The following FRMD4A variants were observed in gnomAD, a reference collection of about 807,000 sequenced individuals.
FRMD4A encodes FERM domain-containing protein 4A.
Under a neutral mutation model 129.1 loss-of-function variants are expected in FRMD4A, and 29 were observed. That is an observed-to-expected ratio of 0.22 (90% CI 0.17 to 0.31). The LOEUF is 0.31. Ranked by LOEUF, FRMD4A falls within the 10% of genes least tolerant of loss-of-function variation. The probability of loss-of-function intolerance (pLI) is 1.00; values close to 1 mark genes in which losing one functional copy is unlikely to be tolerated. For missense variants in FRMD4A, 1,272 were observed against 1,375.8 expected, an observed-to-expected ratio of 0.92 and a Z score of 1.19; for synonymous variants, 634 against 571.6, an observed-to-expected ratio of 1.11 and a Z score of -1.56.
chr10:14,248,827 A>C (rs1844335852), intron 2 of FRMD4A, among the ~76,000 whole-genome samples: 3 of 152,220 alleles, frequency 2.0e-5, no homozygotes, highest in Admixed American at 2.0e-4. Flanking sequence ...CCAAACAAGC[A>C]CTGATGGAAG....
intron 2 of FRMD4A, among the ~76,000 whole-genome samples, chr10:14,215,739 T>C (rs989829757): frequency 1.3e-5 from 2 of 152,140 alleles, no homozygotes; most frequent in Non-Finnish European, 2.9e-5. Context: ...TGCCGGCATA[T>C]GAGCGAAGGT....
intron 5 of FRMD4A, among the ~76,000 whole-genome samples, chr10:13,794,391 CAAAAAAA>C (rs5783349): frequency 9.7e-6 from 1 of 102,964 alleles, no homozygotes; most frequent in Non-Finnish European, 1.9e-5. Flanking sequence ...GAATCCGTCT[CAAAAAAA>C]AAAAAAAAAA....
Position 13,659,390 on chromosome 10 carries a change from A to T in FRMD4A, c.1999T>A (p.Ser667Thr). The T allele has an allele frequency of 6.2e-7, 1 of 1,614,026 alleles. No homozygotes were observed. Among genetic ancestry groups the T allele is most frequent in the African/African-American group, 1.3e-5 (1 of 75,030 alleles). Reference protein sequence around the residue: ...SPIRGLPHWNSQSSMPSTPDL... With the variant: ...SPIRGLPHWNTQSSMPSTPDL... ...GGCGTGGACGGCATGCTGGACTGGGAGTTCCAGTGCGGGAGGCCGCGGATG... is the reference window on the plus strand; with the variant it reads ...GGCGTGGACGGCATGCTGGACTGGGTGTTCCAGTGCGGGAGGCCGCGGATG... Residue 667 changes from serine to threonine, a missense_variant, in exon 21 of 25, where the codon TCC becomes ACC. This residue lies in a region of FRMD4A where 972 missense variants were observed against 892.3 expected (regional missense o/e 1.09). Transcript: ENST00000357447.
chr10:13,971,777 GAGCCAAGCAGCCCAGC>G, intron 2 of FRMD4A: 1 of 1,304,322 alleles, frequency 7.7e-7, no homozygotes, highest in Non-Finnish European at 1.0e-6. Flanking sequence ...TGGGTCCTCA[GAGCCAAGCAGCCCAGC>G]AGCCATGCCA....
intron 19 of FRMD4A, among the ~76,000 whole-genome samples, chr10:13,661,334 G>C (rs2082626021): frequency 6.6e-6 from 1 of 152,172 alleles, no homozygotes; most frequent in Admixed American, 6.5e-5. Context: ...TCTTGAAGGG[G>C]CTTGAGCAGT....
chr10:14,220,479 G>A (rs1361168161), intron 2 of FRMD4A, among the ~76,000 whole-genome samples: 4 of 152,200 alleles, frequency 2.6e-5, no homozygotes, highest in Non-Finnish European at 4.4e-5. Flanking sequence ...GGGGGTGCCA[G>A]GATGACCCCA....
At chr10:13,783,267 T>C (rs2092779279) in intron 5 of FRMD4A, among the ~76,000 whole-genome samples, 1 of 152,254 alleles carries the variant, frequency 6.6e-6, no homozygotes. Flanking sequence ...TAAGAACAAA[T>C]TCTAAAACTA....
chr10:14,326,286 G>A (rs1843272006), intron 2 of FRMD4A: 1 of 152,204 alleles, frequency 6.6e-6, no homozygotes, highest in Admixed American at 6.5e-5. Flanking sequence ...GTTCAGAGGG[G>A]AGCTAACTTC....
chr10:13,762,952 G>A (rs1040583286), intron 6 of FRMD4A, among the ~76,000 whole-genome samples: 1 of 152,128 alleles, frequency 6.6e-6, no homozygotes, highest in Admixed American at 6.6e-5. Context: ...TCCAGCCTGG[G>A]TAATGGGGTG....
At chr10:14,045,801 TA>T (rs1427943841) in intron 2 of FRMD4A, among the ~76,000 whole-genome samples, 1 of 145,780 alleles carries the variant, frequency 6.9e-6, no homozygotes, top group Admixed American at 6.9e-5. Context: ...ATGATATAAT[TA>T]TATAGAATAG....
chr10:14,158,576 C>A (rs1158806726), intron 2 of FRMD4A, among the ~76,000 whole-genome samples: 2 of 151,640 alleles, frequency 1.3e-5, no homozygotes, highest in African/African-American at 4.9e-5. Context: ...CATGCCACAG[C>A]TTTCTGGTCT....
chr10:13,764,547 A>C (rs1352528095), intron 6 of FRMD4A, among the ~76,000 whole-genome samples: 1 of 151,858 alleles, frequency 6.6e-6, no homozygotes, highest in Non-Finnish European at 1.5e-5. Context: ...TAACAACAAC[A>C]AACTCACTAA....
rs750977 is a variant in FRMD4A, at chr10:13,682,744, G to C, written c.1118-7700C>G. Among the ~76,000 whole-genome samples the C allele has an allele frequency of 8.2e-3, 1,251 of 152,194 alleles. 18 individuals are homozygous for C. The highest frequency in any genetic ancestry group is 0.023 in the Admixed American group (349 of 15,280). On this transcript the variant is annotated intron_variant, in intron 15 of 24. Transcript: ENST00000357447. ...AGGTTGGTCTTGAACTCCTGACCCT[G>C]TGATCCACCTGCCTCGGCCTCCCAA...
chr10:13,684,389 A>G, intron 15 of FRMD4A: 1 of 985,150 alleles, frequency 1.0e-6, no homozygotes, highest in Non-Finnish European at 1.2e-6. Context: ...TGCTATGAAC[A>G]TTGTTTGAGA....
chr10:14,327,893 T>G (rs1029044701), intron 2 of FRMD4A, among the ~76,000 whole-genome samples: 5 of 152,166 alleles, frequency 3.3e-5, no homozygotes, highest in Non-Finnish European at 5.9e-5. Flanking sequence ...ATAATAATGT[T>G]TACAGCTTCC....
At chr10:14,163,664 C>T (rs74122389) in intron 2 of FRMD4A, among the ~76,000 whole-genome samples, 1,955 of 152,294 alleles carry the variant, frequency 0.013, 40 homozygotes, top group African/African-American at 0.045. Context: ...GATTCCAGAA[C>T]GGCCAGGTTA....
rs531409273 is a variant in FRMD4A, at chr10:14,173,820, C to T, written c.45+156238G>A. 1.4e-4 allele frequency among the ~76,000 whole-genome samples: 22 copies of T among 152,174 alleles called. No homozygotes were observed. In the South Asian group the frequency reaches 4.4e-3, roughly 30 times the overall value. On this transcript the variant is annotated intron_variant, in intron 2 of 24. Coordinates refer to ENST00000357447, the MANE Select transcript of FRMD4A (RefSeq NM_018027.5). ...ATTGTCCACGCTGACAGATGGCTCG[C>T]TCCCCTCTCTGCTCTCCCCTTCCCC...
chr10:13,889,387 G>A (rs2094667617), intron 2 of FRMD4A, among the ~76,000 whole-genome samples: 1 of 152,136 alleles, frequency 6.6e-6, no homozygotes, highest in East Asian at 1.9e-4. Context: ...CTTTCCCTTT[G>A]ACCTCAGGCT....
At chr10:13,978,442 G>A (rs1479070478) in intron 2 of FRMD4A, among the ~76,000 whole-genome samples, 3 of 151,954 alleles carry the variant, frequency 2.0e-5, no homozygotes, top group Non-Finnish European at 4.4e-5. Flanking sequence ...CCCACCATGG[G>A]GCAAAAGTCC....
Sources: allele counts gnomAD v4.1 joint callset (sites outside exome capture counted in the v4.1 genomes callset), GRCh38; gene constraint gnomAD v4.1.1; regional missense constraint gnomAD v4.1.1; transcripts MANE v1.5; gene names NCBI Gene and HGNC (gene_info 2026-07-23, HGNC 2026-07-21).